Variants in SLC7A10 observed in about 807,000 individuals in gnomAD.
The protein encoded by SLC7A10 is asc-type amino acid transporter 1.
A neutral mutation model predicts 52.7 loss-of-function variants in SLC7A10; 30 were observed. That is an observed-to-expected ratio of 0.57 (90% CI 0.43 to 0.77). SLC7A10 has a LOEUF of 0.77. SLC7A10 is among the 30% of genes least tolerant of loss of function. The pLI is 0.00. For synonymous variants in SLC7A10, 318 were observed against 314.9 expected, an observed-to-expected ratio of 1.01 and a Z score of -0.10; for missense variants, 581 against 698.5, an observed-to-expected ratio of 0.83 and a Z score of 1.90.
chr19:33,209,527 C>T (rs971880984), intron 9 of SLC7A10, 42 bp from the exon 10 acceptor site: 1 of 1,606,152 alleles, frequency 6.2e-7, no homozygotes, highest in Non-Finnish European at 8.5e-7. Context: ...GCAGGGCCTC[C>T]AGCTGTCTGT....
intron 3 of SLC7A10, 35 bp from the exon 4 acceptor site, chr19:33,212,674 G>A (rs771537025): frequency 1.1e-5 from 18 of 1,612,944 alleles, no homozygotes; most frequent in Admixed American, 1.7e-5. Flanking sequence ...CGCCGAGGCC[G>A]GGACCTTTCA....
chr19:33,212,464 G>A lies in SLC7A10; in HGVS notation c.635-19C>T. ...AAGTGTCCTGGAGGCCCAGAAGTCG[G>A]GGGTCAGCACCATCTCCCCAGCCCG... On this transcript the variant is annotated intron_variant, in intron 4 of 10. Coordinates refer to ENST00000253188, the MANE Select transcript of SLC7A10 (RefSeq NM_019849.3). The A allele has an allele frequency of 1.2e-6, 2 of 1,613,930 alleles. No individual in the cohort carries two copies. Among genetic ancestry groups the A allele is most frequent in the Non-Finnish European group, 1.7e-6 (2 of 1,180,038 alleles).
intron 1 of SLC7A10, among the ~76,000 whole-genome samples, chr19:33,218,686 T>TC (rs1974747266): frequency 4.0e-5 from 3 of 74,736 alleles, no homozygotes; most frequent in Non-Finnish European, 7.7e-5. Flanking sequence ...TCTTTCTTTT[T>TC]TTTTTTTTTT....
chr19:33,223,529 T>G (rs568201105), intron 1 of SLC7A10, among the ~76,000 whole-genome samples: 3 of 151,986 alleles, frequency 2.0e-5, no homozygotes, highest in African/African-American at 7.2e-5. Context: ...GGGAAGGCAG[T>G]GCAGACCCCA....
At position 33,215,993 on chromosome 19, in the gene SLC7A10, G is replaced by A; in HGVS notation, c.152-20C>T. ...TGTTCCCTGCAGGGGGAGAGATGGG[G>A]AGGCATCAGGCCTGGGGTCCCCTTC... On this transcript the variant is annotated intron_variant, in intron 1 of 10. Transcript: ENST00000253188. 3.2e-6 allele frequency: 5 copies of A among 1,559,968 alleles called. No homozygotes were observed. Among genetic ancestry groups the A allele is most frequent in the Non-Finnish European group, 4.4e-6 (5 of 1,145,712 alleles).
Sources: gnomAD v4.1 joint callset for allele counts (sites outside exome capture counted in the v4.1 genomes callset) on GRCh38, gnomAD v4.1.1 for gene constraint, MANE v1.5 for transcripts, NCBI Gene and HGNC (gene_info 2026-07-23, HGNC 2026-07-21) for gene names.